Variants in CORO2B observed in about 807,000 individuals in gnomAD.
CORO2B encodes the protein coronin 2B.
CORO2B carries 26 observed loss-of-function variants against 58.8 expected under a neutral mutation model. That is an observed-to-expected ratio of 0.44 (90% CI 0.32 to 0.61). The LOEUF (loss-of-function observed/expected upper bound fraction) is 0.61, where lower values mean the gene tolerates loss of function less well. Among genes scored for constraint, CORO2B ranks in the 20% least tolerant of loss-of-function variants. The pLI, the probability that CORO2B is intolerant of heterozygous loss-of-function variation, is 0.04. For missense variants in CORO2B, 460 were observed against 645.1 expected, an observed-to-expected ratio of 0.71 and a Z score of 3.11; for synonymous variants, 242 against 253.8, an observed-to-expected ratio of 0.95 and a Z score of 0.44.
chr15:68,599,148 T>C (rs1021448385), intron 1 of CORO2B, among the ~76,000 whole-genome samples: 2 of 152,228 alleles, frequency 1.3e-5, no homozygotes, highest in Non-Finnish European at 2.9e-5. Context: ...TCTGCTTTTC[T>C]GCTCCCTCTC....
At chr15:68,708,774 G>T (rs968888773) in intron 3 of CORO2B, among the ~76,000 whole-genome samples, 2 of 151,952 alleles carry the variant, frequency 1.3e-5, no homozygotes, top group Non-Finnish European at 2.9e-5. Context: ...TGAACTCCTG[G>T]GCTTAAGGGA....
At chr15:68,537,724 T>C in the CORO2B span, among the ~76,000 whole-genome samples, 1 of 152,216 alleles carries the variant, frequency 6.6e-6, no homozygotes, top group South Asian at 2.1e-4. Context: ...AGCTCCCGCT[T>C]ATAAGTAAGA....
chr15:68,572,114 TCCCAGTTCCAGAGGC>T, the CORO2B span, among the ~76,000 whole-genome samples: 23 of 152,150 alleles, frequency 1.5e-4, no homozygotes, highest in Non-Finnish European at 3.1e-4. Flanking sequence ...AAGGCCTTCC[TCCCAGTTCCAGAGGC>T]CCCACTCTTG....
chr15:68,692,261 CTGAGTCACA>C (rs1892396483), intron 2 of CORO2B, among the ~76,000 whole-genome samples: 1 of 152,172 alleles, frequency 6.6e-6, no homozygotes, highest in African/African-American at 2.4e-5. Flanking sequence ...CCTAATAAAT[CTGAGTCACA>C]TGTGACCCGC....
intron 1 of CORO2B, among the ~76,000 whole-genome samples, chr15:68,607,427 T>A (rs1387386669): frequency 6.6e-6 from 1 of 152,128 alleles, no homozygotes; most frequent in Non-Finnish European, 1.5e-5. Context: ...GAATGTAAGA[T>A]CCCTTATGAC....
chr15:68,658,227 T>C (rs989439842), intron 2 of CORO2B, among the ~76,000 whole-genome samples: 1 of 152,222 alleles, frequency 6.6e-6, no homozygotes, highest in Non-Finnish European at 1.5e-5. Context: ...CCCCAGAAGC[T>C]TGGGTCGGTA....
chr15:68,713,122 G>A (rs151172496), intron 5 of CORO2B, among the ~76,000 whole-genome samples: 2 of 152,336 alleles, frequency 1.3e-5, no homozygotes, highest in Non-Finnish European at 2.9e-5. Context: ...GGGCAGGAAA[G>A]GAGGCCCAAG....
In CORO2B at chr15:68,579,238, C is replaced by CCCCGCT. The variant is rs1899353665; in HGVS notation, c.-22_-17dup. ...CCGCCCCCGCACGCCGCGCCCGCGCCCCCGCTCCGCCGCGGAGTTTCTGCA... is the reference window on the plus strand; with the variant it reads ...CCGCCCCCGCACGCCGCGCCCGCGCCCCCGCTCCCGCTCCGCCGCGGAGTTTCTGCA... On this transcript the variant is annotated 5_prime_UTR_variant, in exon 1 of 12. Transcript: ENST00000261861. 2 of 1,163,858 alleles carry CCCCGCT rather than the reference C, an allele frequency of 1.7e-6. No individual in the cohort carries two copies. Among genetic ancestry groups the CCCCGCT allele is most frequent in the African/African-American group, 1.6e-5 (1 of 61,028 alleles). 72.1% of individuals were successfully genotyped at this position (1,163,858 alleles called of 1,614,324 possible). A position where few individuals can be genotyped will look rare whatever the true frequency, so the allele number is the denominator to read the frequency against.
At chr15:68,686,238 G>T (rs1392243801) in intron 2 of CORO2B, among the ~76,000 whole-genome samples, 1 of 151,540 alleles carries the variant, frequency 6.6e-6, no homozygotes, top group Non-Finnish European at 1.5e-5. Flanking sequence ...GTTCTGTCAC[G>T]TTGGCCAGGC....
intron 2 of CORO2B, among the ~76,000 whole-genome samples, chr15:68,659,554 AT>A (rs869106310): frequency 3.3e-4 from 50 of 152,266 alleles, no homozygotes; most frequent in African/African-American, 1.2e-3. Context: ...CTCTAAAAAA[AT>A]TTTTTTGATT....
chr15:68,704,203 G>C (rs1238582545), intron 3 of CORO2B, among the ~76,000 whole-genome samples: 2 of 150,946 alleles, frequency 1.3e-5, no homozygotes, highest in East Asian at 3.9e-4. Flanking sequence ...TTGCACCACT[G>C]CACTCCAGCC....
At chr15:68,694,040 TG>T (rs1452856346) in intron 2 of CORO2B, among the ~76,000 whole-genome samples, 2 of 152,180 alleles carry the variant, frequency 1.3e-5, no homozygotes, top group African/African-American at 2.4e-5. Context: ...TTCTCCACGT[TG>T]GCCAGGCTGG....
intron 1 of CORO2B, among the ~76,000 whole-genome samples, chr15:68,629,872 C>G (rs1259647436): frequency 6.6e-6 from 1 of 152,072 alleles, no homozygotes; most frequent in Non-Finnish European, 1.5e-5. Context: ...TACACACGCA[C>G]TATGTCTAAG....
At chr15:68,697,786 T>A (rs139877101) in intron 3 of CORO2B, among the ~76,000 whole-genome samples, 8 of 152,120 alleles carry the variant, frequency 5.3e-5, no homozygotes, top group Admixed American at 5.2e-4. Context: ...CTTCCTGGGC[T>A]GGGAAAGAGG....
chr15:68,604,957 C>T lies in CORO2B; in HGVS notation c.15+25680C>T, dbSNP rs530521365. ...AGTGAAACCCTGTGTCTACTAAAAA[C>T]ACAAAAATTAGCCAGGCATGGTGGC... is the stretch of plus-strand genomic sequence containing the variant. On this transcript the variant is annotated intron_variant, in intron 1 of 11. Coordinates refer to ENST00000261861, the MANE Select transcript of CORO2B (RefSeq NM_006091.5). 3.3e-5 allele frequency among the ~76,000 whole-genome samples: 5 copies of T among 151,778 alleles called. No homozygotes were observed. In the South Asian group the frequency reaches 1.0e-3, roughly 32 times the overall value.
the CORO2B span, among the ~76,000 whole-genome samples, chr15:68,539,173 G>A: frequency 5.3e-5 from 8 of 152,310 alleles, no homozygotes; most frequent in East Asian, 1.5e-3. Context: ...AGCTGCAGGA[G>A]CCTGCTGAGA....
chr15:68,707,092 C>CT (rs765029499), intron 3 of CORO2B, among the ~76,000 whole-genome samples: 12 of 152,184 alleles, frequency 7.9e-5, no homozygotes, highest in Admixed American at 2.6e-4. Flanking sequence ...TCCTGAGTAG[C>CT]TGGGATTACA....
At chr15:68,702,470 C>T (rs1892675312) in intron 3 of CORO2B, among the ~76,000 whole-genome samples, 3 of 152,116 alleles carry the variant, frequency 2.0e-5, no homozygotes, top group African/African-American at 7.2e-5. Flanking sequence ...GGATTCGTTT[C>T]CCATATTGGC....
chr15:68,638,280 T>G (rs1201798568), intron 1 of CORO2B, among the ~76,000 whole-genome samples: 1 of 151,696 alleles, frequency 6.6e-6, no homozygotes, highest in African/African-American at 2.4e-5. Context: ...TTATTTGAAG[T>G]CAGAGACTCC....
Sources: gnomAD v4.1 joint callset for allele counts (sites outside exome capture counted in the v4.1 genomes callset) on GRCh38, gnomAD v4.1.1 for gene constraint, MANE v1.5 for transcripts, NCBI Gene and HGNC (gene_info 2026-07-23, HGNC 2026-07-21) for gene names.